The following GRM5 variants were observed in gnomAD, a reference collection of about 807,000 sequenced individuals.
GRM5 encodes the protein metabotropic glutamate receptor 5.
A neutral mutation model predicts 83.1 loss-of-function variants in GRM5; 19 were observed. The ratio of observed to expected loss-of-function variants is 0.23; its 90% CI spans 0.16 to 0.34. The LOEUF (loss-of-function observed/expected upper bound fraction) is 0.34. Ranked by LOEUF, GRM5 falls within the 10% of genes least tolerant of loss-of-function variation. The probability of loss-of-function intolerance (pLI) is 1.00; values close to 1 mark genes in which losing one functional copy is unlikely to be tolerated. For missense variants in GRM5, 1,160 were observed against 1,588.3 expected (o/e 0.73, Z 4.58); for synonymous variants, 675 against 633.6 (o/e 1.07, Z -0.98).
intron 4 of GRM5, among the ~76,000 whole-genome samples, chr11:88,648,761 C>T (rs940442594): frequency 2.0e-5 from 3 of 151,654 alleles, no homozygotes; most frequent in Admixed American, 1.3e-4. Context: ...CTTTAGTTGG[C>T]CTTTTCCTGA....
intron 3 of GRM5, among the ~76,000 whole-genome samples, chr11:88,720,370 G>A (rs1941505608): frequency 6.6e-6 from 1 of 152,026 alleles, no homozygotes; most frequent in Non-Finnish European, 1.5e-5. Flanking sequence ...ATTAAGTGAA[G>A]GTGGAAGTAA....
chr11:88,860,052 G>A (rs539270891), intron 2 of GRM5, among the ~76,000 whole-genome samples: 1 of 152,240 alleles, frequency 6.6e-6, no homozygotes, highest in Admixed American at 6.6e-5. Flanking sequence ...GCTGAAGAGG[G>A]AGAAACTTCA....
intron 3 of GRM5, among the ~76,000 whole-genome samples, chr11:88,816,190 G>A (rs1328923604): frequency 7.6e-6 from 1 of 131,182 alleles, no homozygotes; most frequent in Non-Finnish European, 1.5e-5. Flanking sequence ...TCCGCAGTCC[G>A]GCCTGGGCGA....
chr11:88,736,019 G>T (rs941880983), intron 3 of GRM5, among the ~76,000 whole-genome samples: 8 of 152,062 alleles, frequency 5.3e-5, no homozygotes, highest in African/African-American at 1.9e-4. Context: ...CACTCTCGAA[G>T]TTAGACAATC....
rs998244526 is a variant in GRM5, at chr11:88,975,896, A to G, written c.661+71316T>C. ...CCCCATGTATAAAATGGAGATCATA[A>G]TAGTGTCCTCCCTTGGTTATAACAA... On this transcript the variant is annotated intron_variant, in intron 2 of 9. Transcript: ENST00000305447. Among the ~76,000 whole-genome samples the G allele has an allele frequency of 4.0e-4, 61 of 152,208 alleles. 1 individual carries two copies. The highest frequency in any genetic ancestry group is 1.2e-3 in the African/African-American group (51 of 41,466).
Position 88,706,213 on chromosome 11 carries a change from C to T in GRM5, c.912-52810G>A, listed in dbSNP as rs116758136. The stretch of plus-strand genomic sequence containing the variant: ...GAATGTTTATCTTCCATCAGATCTT[C>T]GAGTACTGATCAATATCTGTGATCT... On this transcript the variant is annotated intron_variant, in intron 3 of 9. Coordinates refer to ENST00000305447, the MANE Select transcript of GRM5 (RefSeq NM_001143831.3). Among the ~76,000 whole-genome samples, 804 of 152,086 alleles carry T rather than the reference C, an allele frequency of 5.3e-3. 5 individuals carry two copies. The highest frequency in any genetic ancestry group is 0.018 in the African/African-American group (748 of 41,520).
intron 4 of GRM5, among the ~76,000 whole-genome samples, chr11:88,630,764 G>A (rs1003254210): frequency 2.0e-5 from 3 of 152,098 alleles, no homozygotes; most frequent in African/African-American, 7.2e-5. Context: ...TTTTAGTAGA[G>A]ACGGGGTTTC....
chr11:88,615,382 A>C (rs1320260029), intron 4 of GRM5, among the ~76,000 whole-genome samples: 1 of 152,202 alleles, frequency 6.6e-6, no homozygotes, highest in African/African-American at 2.4e-5. Flanking sequence ...TTTTACAGAA[A>C]GACATCATGA....
intron 2 of GRM5, among the ~76,000 whole-genome samples, chr11:88,877,047 G>A (rs1010879491): frequency 6.6e-6 from 1 of 152,018 alleles, no homozygotes; most frequent in Non-Finnish European, 1.5e-5. Flanking sequence ...TAGGATAGTG[G>A]TTACCAGATG....
chr11:88,980,499 AT>A (rs1448879178), intron 2 of GRM5, among the ~76,000 whole-genome samples: 1 of 152,086 alleles, frequency 6.6e-6, no homozygotes, highest in Non-Finnish European at 1.5e-5. Context: ...AAGTGTTCTT[AT>A]TTTTTCTAGT....
chr11:88,523,753 C>T lies in GRM5; in HGVS notation c.2726+1556G>A, dbSNP rs576569258. 5.8e-4 allele frequency among the ~76,000 whole-genome samples: 89 copies of T among 152,258 alleles called. 1 individual carries two copies. Among genetic ancestry groups the T allele is most frequent in the Middle Eastern group, 3.4e-3 (1 of 292 alleles). On this transcript the variant is annotated intron_variant, in intron 9 of 9. Transcript: ENST00000305447. ...CTGTATGCTGAACAGTTCTGGGCAC[C>T]ATTTTCATAGACTGCAATATGAATA...
intron 2 of GRM5, among the ~76,000 whole-genome samples, chr11:88,907,909 AT>A (rs971066198): frequency 2.0e-5 from 3 of 152,144 alleles, no homozygotes; most frequent in Admixed American, 6.5e-5. Context: ...TTTAAAAACA[AT>A]TTTTTCTGTC....
chr11:88,987,682 C>T lies in GRM5; in HGVS notation c.661+59530G>A, dbSNP rs956147359. Among the ~76,000 whole-genome samples, 6 of 152,248 alleles carry T rather than the reference C, an allele frequency of 3.9e-5. No homozygotes were observed. The South Asian group carries it at 1.0e-3, about 26-fold the overall frequency. On this transcript the variant is annotated intron_variant, in intron 2 of 9. Transcript: ENST00000305447. ...AGATCTGAGAATGGGCAGACTGCCT[C>T]CTCAAGTGGATCCCTGACCCCTGAC...
At position 88,505,771 on chromosome 11, in the gene GRM5, C is replaced by A. The variant is rs949540354; in HGVS notation, c.*2821G>T. The A allele has an allele frequency of 6.6e-6, 1 of 152,200 alleles. No individual in the cohort carries two copies. The highest frequency in any genetic ancestry group is 1.5e-5 in the Non-Finnish European group (1 of 68,052). 9.4% of individuals were successfully genotyped at this position (152,200 alleles called of 1,614,324 possible). ...CACTTTGCTGAGCCTTAGCATATCC[C>A]CTTCCTTTTAGTCATGCTGGTCCCG... On this transcript the variant is annotated 3_prime_UTR_variant, in exon 10 of 10. Coordinates refer to ENST00000305447, the MANE Select transcript of GRM5 (RefSeq NM_001143831.3).
chr11:88,968,992 T>C (rs970552536), intron 2 of GRM5, among the ~76,000 whole-genome samples: 4 of 152,020 alleles, frequency 2.6e-5, no homozygotes, highest in Admixed American at 6.6e-5. Flanking sequence ...AGGTGTATTA[T>C]AGACAGCAAA....
At chr11:88,705,373 T>G (rs6483386) in intron 3 of GRM5, among the ~76,000 whole-genome samples, 151,181 of 152,166 alleles carry the variant, frequency 0.99, 75,110 homozygotes, top group East Asian at 1. Context: ...CCACTGGACT[T>G]GACCATTCCT....
chr11:88,722,411 C>T (rs1310422181), intron 3 of GRM5, among the ~76,000 whole-genome samples: 1 of 152,132 alleles, frequency 6.6e-6, no homozygotes, highest in African/African-American at 2.4e-5. Flanking sequence ...GCGTTTTCAA[C>T]ACTTCTCCAA....
At chr11:88,970,522 T>C (rs1939135741) in intron 2 of GRM5, among the ~76,000 whole-genome samples, 1 of 152,198 alleles carries the variant, frequency 6.6e-6, no homozygotes, top group Non-Finnish European at 1.5e-5. Flanking sequence ...AGCCTTACTC[T>C]GTACATAGGA....
At chr11:88,675,924 A>G (rs1238122180) in intron 3 of GRM5, among the ~76,000 whole-genome samples, 2 of 152,050 alleles carry the variant, frequency 1.3e-5, no homozygotes, top group Non-Finnish European at 2.9e-5. Flanking sequence ...CCATATTGAG[A>G]GTCTAAGCAT....
Sources: allele counts gnomAD v4.1 joint callset (sites outside exome capture counted in the v4.1 genomes callset), GRCh38; gene constraint gnomAD v4.1.1; transcripts MANE v1.5; gene names NCBI Gene and HGNC (gene_info 2026-07-23, HGNC 2026-07-21).